TMED3: variants seen among roughly 807,000 people sequenced by gnomAD.
The protein encoded by TMED3 is transmembrane p24 trafficking protein 3, also known as transmembrane emp24 domain-containing protein 3.
Under a neutral mutation model 15.0 loss-of-function variants are expected in TMED3, and 9 were observed. The ratio of observed to expected loss-of-function variants is 0.60; its 90% CI spans 0.36 to 1.04. The LOEUF is 1.04. TMED3 is among the 50% of genes least tolerant of loss of function. TMED3 has a pLI of 0.01. For synonymous variants in TMED3, 117 were observed against 121.4 expected (o/e 0.96, Z 0.24); for missense variants, 267 against 278.9 (o/e 0.96, Z 0.30).
At chr15:79,387,932 A>T (rs1275463529) in intron 2 of TMED3, among the ~76,000 whole-genome samples, 1 of 152,154 alleles carries the variant, frequency 6.6e-6, no homozygotes, top group Non-Finnish European at 1.5e-5. Flanking sequence ...GTTTTCTGAC[A>T]ATTTTGCTAA....
At chr15:79,345,665 C>T (rs1021757642) in intron 2 of TMED3, among the ~76,000 whole-genome samples, 1 of 152,044 alleles carries the variant, frequency 6.6e-6, no homozygotes, top group South Asian at 2.1e-4. Context: ...GGGTATATGC[C>T]CAGTAGTGGG....
intron 2 of TMED3, among the ~76,000 whole-genome samples, chr15:79,388,822 T>TA (rs1202402168): frequency 6.6e-6 from 1 of 152,206 alleles, no homozygotes; most frequent in African/African-American, 2.4e-5. Context: ...TGGGTTTCGA[T>TA]TTGCATTTCC....
At chr15:79,383,856 C>T (rs1392593380) in intron 2 of TMED3, 2 of 152,226 alleles carry the variant, frequency 1.3e-5, no homozygotes, top group African/African-American at 4.8e-5. Flanking sequence ...ATTCCAAGGG[C>T]TTAAATGTTA....
At chr15:79,404,239 G>A (rs1893871966) in intron 2 of TMED3, among the ~76,000 whole-genome samples, 1 of 152,220 alleles carries the variant, frequency 6.6e-6, no homozygotes, top group South Asian at 2.1e-4. Flanking sequence ...CCTGTTAGGT[G>A]GAGGGGCCTA....
chr15:79,383,034 T>C, intron 2 of TMED3: 1 of 1,535,410 alleles, frequency 6.5e-7, no homozygotes, highest in Non-Finnish European at 8.7e-7. Context: ...ATCTGGGATC[T>C]ACCTGTTCCA....
intron 2 of TMED3, among the ~76,000 whole-genome samples, chr15:79,362,254 C>T (rs1177931007): frequency 6.7e-6 from 1 of 149,378 alleles, no homozygotes; most frequent in African/African-American, 2.5e-5. Context: ...TTGCTTGAAT[C>T]AAGGAGTTTG....
chr15:79,386,480 C>G (rs1893627502), intron 2 of TMED3, among the ~76,000 whole-genome samples: 1 of 152,030 alleles, frequency 6.6e-6, no homozygotes, highest in African/African-American at 2.4e-5. Context: ...GACTATATGT[C>G]CTCCTGCTTG....
intron 2 of TMED3, among the ~76,000 whole-genome samples, chr15:79,339,143 T>C (rs1278356502): frequency 6.6e-6 from 1 of 152,192 alleles, no homozygotes; most frequent in Non-Finnish European, 1.5e-5. Flanking sequence ...AATAATGGTG[T>C]AAGTTGTTTC....
chr15:79,374,885 A>G lies in TMED3; in HGVS notation c.418-36515A>G, dbSNP rs79881119. Among the ~76,000 whole-genome samples, 133 of 152,326 alleles carry G rather than the reference A, an allele frequency of 8.7e-4. 4 individuals carry two copies. In the East Asian group the frequency reaches 0.024, roughly 27 times the overall value. On this transcript the variant is annotated intron_variant, in intron 2 of 2. Coordinates refer to the TMED3 transcript ENST00000424155. ...GAAACACAGTCTAGGAGATGCTTCA[A>G]ATAGACTAGTGTACTTCATTCCTAG...
chr15:79,380,483 ATAGT>A (rs1177737182), intron 2 of TMED3, among the ~76,000 whole-genome samples: 3 of 147,338 alleles, frequency 2.0e-5, no homozygotes, highest in South Asian at 2.1e-4. Context: ...ATAGTTATAT[ATAGT>A]TATAGTTATA....
chr15:79,364,377 CTCTT>C (rs1028313008), intron 2 of TMED3, among the ~76,000 whole-genome samples: 1 of 151,972 alleles, frequency 6.6e-6, no homozygotes, highest in Non-Finnish European at 1.5e-5. Flanking sequence ...TCTCCGGGGG[CTCTT>C]TCTTTACTGT....
At position 79,382,079 on chromosome 15, in the gene TMED3, G is replaced by C. The variant is rs1011437212; in HGVS notation, c.418-29321G>C. Among the ~76,000 whole-genome samples the C allele has an allele frequency of 2.6e-5, 4 of 152,318 alleles. 1 individual carries two copies. In the South Asian group the frequency reaches 8.3e-4, roughly 32 times the overall value. ...CAGGGCTTAGATTTTTCTGGACTTT[G>C]CAGGAAGAAGTCTCTGCCCTTCTGG... On this transcript the variant is annotated intron_variant, in intron 2 of 2. Transcript: ENST00000424155.
At chr15:79,333,899 A>G (rs934869760) in intron 2 of TMED3, among the ~76,000 whole-genome samples, 4 of 152,194 alleles carry the variant, frequency 2.6e-5, no homozygotes, top group African/African-American at 9.7e-5. Context: ...AATCAAAACC[A>G]ACTTTATTAA....
chr15:79,348,621 C>CAA (rs2058879971), intron 2 of TMED3, among the ~76,000 whole-genome samples: 1 of 152,146 alleles, frequency 6.6e-6, no homozygotes, highest in African/African-American at 2.4e-5. Context: ...GAGGTGCATA[C>CAA]CATAATGTAT....
chr15:79,360,217 C>T (rs1167883927), intron 2 of TMED3, among the ~76,000 whole-genome samples: 5 of 152,080 alleles, frequency 3.3e-5, no homozygotes, highest in Non-Finnish European at 5.9e-5. Context: ...GTTGAATCCA[C>T]CTAGAAATTC....
chr15:79,336,864 T>C (rs139991166), intron 2 of TMED3, among the ~76,000 whole-genome samples: 2 of 152,298 alleles, frequency 1.3e-5, no homozygotes, highest in Non-Finnish European at 2.9e-5. Flanking sequence ...TTCCAGTACA[T>C]GAAACACTCA....
intron 2 of TMED3, among the ~76,000 whole-genome samples, chr15:79,368,656 T>G (rs1893281888): frequency 1.3e-5 from 2 of 152,176 alleles, no homozygotes. Context: ...AAACTGTAAT[T>G]GGTAAAGAAG....
In TMED3 at chr15:79,363,389, A is replaced by G. The variant is rs182318382; in HGVS notation, c.418-48011A>G. Among the ~76,000 whole-genome samples the G allele has an allele frequency of 3.7e-3, 570 of 152,232 alleles. 3 individuals are homozygous for G. Among genetic ancestry groups the G allele is most frequent in the African/African-American group, 0.013 (560 of 41,548 alleles). ...AAATATAAAAAATGACAAACAGCAA[A>G]CCAGGAAAAATCCTTGCATACTGTA... On this transcript the variant is annotated intron_variant, in intron 2 of 2. Transcript: ENST00000424155.
At chr15:79,349,797 C>T (rs563578184) in intron 2 of TMED3, among the ~76,000 whole-genome samples, 22 of 152,302 alleles carry the variant, frequency 1.4e-4, no homozygotes, top group South Asian at 6.2e-4. Flanking sequence ...GCTGTTCTTC[C>T]GCCTAGAAGG....
Sources: allele counts gnomAD v4.1 joint callset (sites outside exome capture counted in the v4.1 genomes callset), GRCh38; gene constraint gnomAD v4.1.1; transcripts MANE v1.5; gene names NCBI Gene and HGNC (gene_info 2026-07-23, HGNC 2026-07-21).